The following SLCO3A1 variants were observed in gnomAD, a reference collection of about 807,000 sequenced individuals.
The protein encoded by SLCO3A1 is solute carrier organic anion transporter family member 3A1.
A neutral mutation model predicts 63.1 loss-of-function variants in SLCO3A1; 27 were observed. The observed-to-expected ratio is 0.43, with a 90% confidence interval of 0.32 to 0.59. SLCO3A1 has a LOEUF of 0.59. Among genes scored for constraint, SLCO3A1 ranks in the 20% least tolerant of loss-of-function variants. The pLI is 0.09. For synonymous variants in SLCO3A1, 473 were observed against 409.9 expected (o/e 1.15, Z -1.86); for missense variants, 773 against 945.8 (o/e 0.82, Z 2.40).
chr15:92,063,144 C>T (rs2047107278), intron 2 of SLCO3A1, among the ~76,000 whole-genome samples: 1 of 152,210 alleles, frequency 6.6e-6, no homozygotes, highest in African/African-American at 2.4e-5. Flanking sequence ...CTTTGGGAAC[C>T]AGATACGCTC....
rs1187886551 is a variant in SLCO3A1 at position 91,916,290 on chromosome 15, G to A, written c.478G>A (p.Gly160Arg). 1 of 1,557,536 alleles carries A rather than the reference G, an allele frequency of 6.4e-7. No individual in the cohort carries two copies. Among genetic ancestry groups the A allele is most frequent in the Admixed American group, 1.9e-5 (1 of 51,506 alleles). Residue 160 changes from glycine to arginine, a missense_variant, in exon 2 of 10, where the codon GGG (glycine) becomes AGG (arginine). Physicochemically the swap from Gly to Arg is moderately radical, Grantham distance 125 (BLOSUM62 -2). Coordinates refer to ENST00000318445, the MANE Select transcript of SLCO3A1 (RefSeq NM_013272.4). The surrounding 1 kb of genome is among the most constrained non-coding windows in gnomAD (Gnocchi z 6.2). ...CAANGSGGDE[G>R]PDPDLICRNR... ...AGCCAACGGCTCGGGCGGCGACGAG[G>A]GGCCCGACCCCGACCTCATCTGCCG...
In SLCO3A1 at chr15:91,942,865, C is replaced by T. The variant is rs989314484; in HGVS notation, c.646+26407C>T. Among the ~76,000 whole-genome samples, 2 of 152,206 alleles carry T rather than the reference C, an allele frequency of 1.3e-5. No individual in the cohort carries two copies. Among genetic ancestry groups the T allele is most frequent in the African/African-American group, 2.4e-5 (1 of 41,458 alleles). On this transcript the variant is annotated intron_variant, in intron 2 of 9. Transcript: ENST00000318445. The surrounding 1 kb of genome is among the most constrained non-coding windows in gnomAD (Gnocchi z 4.1). Reference sequence around the variant, plus strand: ...CAGGCATGAGCCACCACACCCAGCCCTTTGCTGGAAATCTTAAGGGGAGTT... The same window carrying T: ...CAGGCATGAGCCACCACACCCAGCCTTTTGCTGGAAATCTTAAGGGGAGTT...
At chr15:92,098,464 T>C (rs2047566367) in intron 3 of SLCO3A1, among the ~76,000 whole-genome samples, 2 of 152,208 alleles carry the variant, frequency 1.3e-5, no homozygotes, top group African/African-American at 2.4e-5. Context: ...GCCTCCAGAA[T>C]TTCTTTTTTA....
intron 2 of SLCO3A1, among the ~76,000 whole-genome samples, chr15:92,046,151 GAAGT>G (rs1251517461): frequency 6.6e-6 from 1 of 152,122 alleles, no homozygotes; most frequent in African/African-American, 2.4e-5. Flanking sequence ...AGAGGTTTAA[GAAGT>G]ATCTACAGTG....
rs140115696 is a variant in SLCO3A1, at chr15:91,928,169, G to T, written c.646+11711G>T. On this transcript the variant is annotated intron_variant, in intron 2 of 9. Transcript: ENST00000318445. ...TTACTATCATAAAGAGAGTTTAACAGCTGTCTGCTTATTTAGACAAGTGCG... is the reference window on the plus strand; with the variant it reads ...TTACTATCATAAAGAGAGTTTAACATCTGTCTGCTTATTTAGACAAGTGCG... Among the ~76,000 whole-genome samples the T allele has an allele frequency of 6.2e-3, 941 of 152,344 alleles. 11 individuals are homozygous for T. Among genetic ancestry groups the T allele is most frequent in the African/African-American group, 0.02 (848 of 41,574 alleles).
At chr15:92,086,648 T>C (rs1187538260) in intron 2 of SLCO3A1, among the ~76,000 whole-genome samples, 1 of 152,230 alleles carries the variant, frequency 6.6e-6, no homozygotes, top group East Asian at 1.9e-4. Flanking sequence ...TCCAGTCTTT[T>C]CTTTCAATAG....
At chr15:91,924,468 T>C (rs897650221) in intron 2 of SLCO3A1, among the ~76,000 whole-genome samples, 1 of 152,192 alleles carries the variant, frequency 6.6e-6, no homozygotes, top group Non-Finnish European at 1.5e-5. Context: ...ATTGCATTCA[T>C]TGATTTCAAA....
At chr15:92,115,577 T>C (rs1445354523) in intron 4 of SLCO3A1, among the ~76,000 whole-genome samples, 1 of 152,086 alleles carries the variant, frequency 6.6e-6, no homozygotes. Flanking sequence ...CATTTCATCT[T>C]TATAGCAGTC....
intron 1 of SLCO3A1, among the ~76,000 whole-genome samples, chr15:91,871,691 T>C (rs1897281136): frequency 6.6e-6 from 1 of 152,090 alleles, no homozygotes; most frequent in Non-Finnish European, 1.5e-5. Context: ...CACTGGATTC[T>C]TTTTCCTTTA....
chr15:92,128,687 T>G (rs190275081), intron 7 of SLCO3A1, among the ~76,000 whole-genome samples, 198 bp downstream of exon 7: 1 of 152,232 alleles, frequency 6.6e-6, no homozygotes, highest in East Asian at 1.9e-4. Flanking sequence ...TTGTAGGAAG[T>G]CTCATTGTGC....
chr15:92,094,772 TA>T, intron 2 of SLCO3A1, 108 bp from the exon 3 acceptor site: 1 of 691,050 alleles, frequency 1.4e-6, no homozygotes. Flanking sequence ...GATGAATTCC[TA>T]ATGTCATCTC....
intron 9 of SLCO3A1, chr15:92,155,246 AGTTGGTCTAGAATCTTGTTCCTGG>A (rs2048357164): frequency 6.6e-6 from 1 of 152,094 alleles, no homozygotes; most frequent in South Asian, 2.1e-4. Context: ...TCTGCTCCTG[AGTTGGTCTAGAATCTTGTTCCTGG>A]GGCCACTGCT....
chr15:92,019,104 T>A (rs949371242), intron 2 of SLCO3A1, among the ~76,000 whole-genome samples: 4 of 152,100 alleles, frequency 2.6e-5, no homozygotes, highest in Admixed American at 6.5e-5. Flanking sequence ...TGGTAGCATG[T>A]GTGGGCTGGC....
At chr15:92,095,125 A>T in intron 3 of SLCO3A1, 146 bp downstream of exon 3, 3 of 600,670 alleles carry the variant, frequency 5.0e-6, no homozygotes. Context: ...ACCCGAGATT[A>T]GATGAAAGAA....
chr15:91,955,011 C>A (rs1042290153), intron 2 of SLCO3A1, among the ~76,000 whole-genome samples: 1 of 152,112 alleles, frequency 6.6e-6, no homozygotes, highest in South Asian at 2.1e-4. Context: ...CCCTCACTTG[C>A]CAGGGTCACC....
At chr15:92,142,366 G>T (rs2048145346) in intron 7 of SLCO3A1, among the ~76,000 whole-genome samples, 1 of 152,144 alleles carries the variant, frequency 6.6e-6, no homozygotes, top group South Asian at 2.1e-4. Context: ...ACTGCTGATG[G>T]ATCTGACATC....
intron 9 of SLCO3A1, among the ~76,000 whole-genome samples, chr15:92,160,792 A>G (rs147312459): frequency 5.9e-5 from 9 of 151,752 alleles, no homozygotes; most frequent in African/African-American, 2.2e-4. Flanking sequence ...TGTCATTAAA[A>G]CCGGGGGAAG....
At chr15:92,084,077 A>G (rs1219905820) in intron 2 of SLCO3A1, among the ~76,000 whole-genome samples, 1 of 152,224 alleles carries the variant, frequency 6.6e-6, no homozygotes, top group Non-Finnish European at 1.5e-5. Context: ...AAATGAAGAA[A>G]AGGGGTTTTG....
intron 1 of SLCO3A1, among the ~76,000 whole-genome samples, chr15:91,892,174 A>G (rs1897887449): frequency 6.6e-6 from 1 of 152,204 alleles, no homozygotes; most frequent in East Asian, 1.9e-4. Flanking sequence ...AAATGAGGAA[A>G]CAGGCTCAGG....
Sources: gnomAD v4.1 joint callset for allele counts (sites outside exome capture counted in the v4.1 genomes callset) on GRCh38, gnomAD v4.1.1 for gene constraint, Gnocchi (gnomAD v3.1) non-coding constraint, MANE v1.5 for transcripts, NCBI Gene and HGNC (gene_info 2026-07-23, HGNC 2026-07-21) for gene names.